The following SSH2 variants were observed in gnomAD, a reference collection of about 807,000 sequenced individuals.
The protein encoded by SSH2 is slingshot protein phosphatase 2, also known as protein phosphatase Slingshot homolog 2.
A neutral mutation model predicts 135.2 loss-of-function variants in SSH2; 37 were observed. The observed-to-expected ratio is 0.27, with a 90% CI of 0.21 to 0.36. The LOEUF (loss-of-function observed/expected upper bound fraction) is 0.36, where lower values mean the gene tolerates loss of function less well. Ranked by LOEUF, SSH2 falls within the 10% of genes least tolerant of loss-of-function variation. The pLI is 1.00. For missense variants in SSH2, 1,408 were observed against 1,765.3 expected, an observed-to-expected ratio of 0.80 and a Z score of 3.63; for synonymous variants, 628 against 646.2, an observed-to-expected ratio of 0.97 and a Z score of 0.43.
chr17:29,855,539 AAACAATAAAATAT>A (rs2065648009), intron 1 of SSH2, among the ~76,000 whole-genome samples: 1 of 150,814 alleles, frequency 6.6e-6, no homozygotes, highest in East Asian at 2.0e-4. Flanking sequence ...ATCAGACATC[AAACAATAAAATAT>A]ATTTATACCC....
chr17:29,677,756 G>A lies in SSH2; in HGVS notation c.480-15C>T, dbSNP rs2151060839. 1 of 1,609,454 alleles carries A rather than the reference G, an allele frequency of 6.2e-7. No homozygotes were observed. The highest frequency in any genetic ancestry group is 1.1e-5 in the South Asian group (1 of 90,980). On this transcript the variant is annotated splice_polypyrimidine_tract_variant and intron_variant, in intron 6 of 15. Transcript: ENST00000540801. Reference sequence around the variant, plus strand: ...TACAAGTGCTACTGCAAGACAAGAAGTAGTCCAATAGTTACTCCCCATTAC... The same window carrying A: ...TACAAGTGCTACTGCAAGACAAGAAATAGTCCAATAGTTACTCCCCATTAC...
At chr17:29,810,308 C>T (rs1339663370) in intron 2 of SSH2, among the ~76,000 whole-genome samples, 1 of 152,158 alleles carries the variant, frequency 6.6e-6, no homozygotes, top group African/African-American at 2.4e-5. Context: ...ACAGAATTCT[C>T]ATAGAAACAA....
intron 3 of SSH2, among the ~76,000 whole-genome samples, chr17:29,758,942 G>A (rs2041209006): frequency 6.6e-6 from 1 of 152,086 alleles, no homozygotes. Flanking sequence ...TAGAGACAGA[G>A]TCTCAGTATG....
In SSH2 at chr17:29,632,550, T is replaced by A; in HGVS notation, c.2644A>T (p.Met882Leu). 1 of 1,614,198 alleles carries A rather than the reference T, an allele frequency of 6.2e-7. No homozygotes were observed. The highest frequency in any genetic ancestry group is 8.5e-7 in the Non-Finnish European group (1 of 1,180,024). ...GGGTACCACTTGGCACCTGGGTGCA[T>A]CCCTGAGCCCTGGAGCTCTTGTTCC... is the stretch of plus-strand genomic sequence containing the variant. ...EGEQELQGSG[M>L]HPGAKWYPGS... Residue 882 changes from methionine to leucine, a missense_variant, in exon 16 of 16, where the codon ATG becomes TTG. Transcript: ENST00000540801.
chr17:29,816,433 T>C (rs1292471317), intron 2 of SSH2, among the ~76,000 whole-genome samples: 2 of 152,212 alleles, frequency 1.3e-5, no homozygotes, highest in East Asian at 1.9e-4. Flanking sequence ...ACTACTGTTA[T>C]AGAAATTTCT....
At chr17:29,917,419 C>T (rs142027454) in intron 1 of SSH2, among the ~76,000 whole-genome samples, 78 of 152,256 alleles carry the variant, frequency 5.1e-4, no homozygotes, top group African/African-American at 1.7e-3. Flanking sequence ...GCTCACCATA[C>T]GAGGCAATTA....
At chr17:29,843,992 T>C (rs2043089069) in intron 2 of SSH2, among the ~76,000 whole-genome samples, 1 of 152,180 alleles carries the variant, frequency 6.6e-6, no homozygotes, top group African/African-American at 2.4e-5. Context: ...GTAAAAATAT[T>C]CTAAACCAAA....
chr17:29,674,208 G>A lies in SSH2; in HGVS notation c.615-2079C>T, dbSNP rs187539807. 8.6e-4 allele frequency: 389 copies of A among 454,306 alleles called. 1 individual carries two copies. Among genetic ancestry groups the A allele is most frequent in the African/African-American group, 6.4e-3 (321 of 50,130 alleles). The allele number at this position is 454,306 out of a possible 1,614,324, so 28.1% of individuals were successfully genotyped here. On this transcript the variant is annotated intron_variant, in intron 8 of 15. Coordinates refer to ENST00000540801, the MANE Select transcript of SSH2 (RefSeq NM_001282129.2). ...CAAATTTAAACCAATTTAATCAGAG[G>A]AAAATGTGTCAGTCCATTTTTATTA...
At position 29,650,679 on chromosome 17, in the gene SSH2, T is replaced by C. The variant is rs753679224; in HGVS notation, c.1201A>G (p.Thr401Ala). The change falls in exon 13 of 16, where the codon ACT becomes GCT. Residue 401 changes from threonine (T) to alanine (A), a missense_variant. Transcript: ENST00000540801. The stretch of plus-strand genomic sequence containing the variant: ...TTTGCTTTAGAGATGAATTTGTAAG[T>C]GTCATTCCAGTACGCCAGGAGATCC... ...ATDLLAYWND[T>A]YKFISKAKKH... is the part of the protein sequence containing the mutation. 6.2e-6 allele frequency: 10 copies of C among 1,613,806 alleles called. No homozygotes were observed. In the East Asian group the frequency reaches 1.6e-4, roughly 25 times the overall value.
At chr17:29,667,616 C>T (rs1233144753) in intron 9 of SSH2, among the ~76,000 whole-genome samples, 8 of 152,184 alleles carry the variant, frequency 5.3e-5, no homozygotes, top group Non-Finnish European at 1.2e-4. Context: ...ATGAAACCAT[C>T]CCCACTCCAC....
chr17:29,901,538 T>C (rs2057727098), intron 1 of SSH2, among the ~76,000 whole-genome samples: 1 of 152,186 alleles, frequency 6.6e-6, no homozygotes, highest in Non-Finnish European at 1.5e-5. Flanking sequence ...ATGAATACAA[T>C]ATAGGTTTGT....
At chr17:29,682,696 G>A (rs1345126573) in intron 6 of SSH2, among the ~76,000 whole-genome samples, 1 of 151,822 alleles carries the variant, frequency 6.6e-6, no homozygotes. Flanking sequence ...AGGAAGGAAG[G>A]GGCACATATG....
intron 4 of SSH2, among the ~76,000 whole-genome samples, chr17:29,701,281 A>G (rs1412914814): frequency 1.3e-5 from 2 of 150,888 alleles, no homozygotes; most frequent in Admixed American, 6.6e-5. Flanking sequence ...TAATTTTTGT[A>G]TTTTTTATAG....
chr17:29,834,776 A>AT (rs1298199025), intron 2 of SSH2, among the ~76,000 whole-genome samples: 2 of 151,996 alleles, frequency 1.3e-5, no homozygotes, highest in Non-Finnish European at 2.9e-5. Context: ...AGGCAACTTA[A>AT]TTTTTTTCCA....
intron 14 of SSH2, among the ~76,000 whole-genome samples, chr17:29,647,179 G>A (rs1035210998): frequency 6.6e-5 from 10 of 151,486 alleles, no homozygotes; most frequent in Non-Finnish European, 1.5e-4. Context: ...GGAGAATGGC[G>A]TGAACCTGGG....
At chr17:29,672,238 C>T in intron 8 of SSH2, 109 bp from the exon 9 acceptor site, 1 of 744,128 alleles carries the variant, frequency 1.3e-6, no homozygotes, top group Non-Finnish European at 2.1e-6. Flanking sequence ...AATTTGTCCT[C>T]TGGACAATCT....
intron 5 of SSH2, among the ~76,000 whole-genome samples, chr17:29,693,638 T>C (rs942791515): frequency 9.9e-5 from 15 of 152,122 alleles, no homozygotes; most frequent in Non-Finnish European, 1.3e-4. Flanking sequence ...GAAAGAAATA[T>C]ATCAAGAAAT....
chr17:29,710,579 G>C (rs1347996734), intron 3 of SSH2, among the ~76,000 whole-genome samples: 1 of 152,146 alleles, frequency 6.6e-6, no homozygotes, highest in African/African-American at 2.4e-5. Flanking sequence ...TCAGATTCAA[G>C]GTGCTAGGAC....
intron 4 of SSH2, among the ~76,000 whole-genome samples, chr17:29,700,195 A>C (rs1242696379): frequency 6.6e-6 from 1 of 152,152 alleles, no homozygotes; most frequent in East Asian, 1.9e-4. Flanking sequence ...TAGTAATTAC[A>C]ATTTTTTTCA....
Sources: gnomAD v4.1 joint callset for allele counts (sites outside exome capture counted in the v4.1 genomes callset) on GRCh38, gnomAD v4.1.1 for gene constraint, MANE v1.5 for transcripts, NCBI Gene and HGNC (gene_info 2026-07-23, HGNC 2026-07-21) for gene names.